Variants in SLC4A10 observed in about 807,000 individuals in gnomAD.
SLC4A10 encodes the protein solute carrier family 4 member 10, also known as sodium-driven chloride bicarbonate exchanger.
In SLC4A10, 42 loss-of-function variants were observed where a neutral mutation model predicts 137.7. That is an observed-to-expected ratio of 0.30 (90% CI 0.24 to 0.39). The LOEUF is 0.39. Among genes scored for constraint, SLC4A10 ranks in the 10% least tolerant of loss-of-function variants. The pLI, the probability that SLC4A10 is intolerant of heterozygous loss-of-function variation, is 1.00. For missense variants in SLC4A10, 925 were observed against 1,355.0 expected, an observed-to-expected ratio of 0.68 and a Z score of 4.98; for synonymous variants, 474 against 464.1, an observed-to-expected ratio of 1.02 and a Z score of -0.27.
chr2:161,771,938 T>C (rs1197755481), intron 2 of SLC4A10, among the ~76,000 whole-genome samples: 2 of 151,430 alleles, frequency 1.3e-5, no homozygotes, highest in South Asian at 4.2e-4. Flanking sequence ...GAGGTAAGGG[T>C]TTTTTCATTT....
intron 1 of SLC4A10, among the ~76,000 whole-genome samples, chr2:161,640,654 TTCC>T (rs751102601): frequency 0.29 from 29,922 of 104,724 alleles, 4,263 homozygotes; most frequent in Non-Finnish European, 0.37. Flanking sequence ...CCTTCCTTCC[TTCC>T]TTCTTTCTTT....
chr2:161,920,129 TG>T (rs1279435617), intron 15 of SLC4A10, among the ~76,000 whole-genome samples: 1 of 152,196 alleles, frequency 6.6e-6, no homozygotes, highest in African/African-American at 2.4e-5. Context: ...TCTGTGCCTT[TG>T]GCAGGCCTGG....
chr2:161,945,878 T>C (rs886191662), intron 16 of SLC4A10, among the ~76,000 whole-genome samples: 19 of 152,050 alleles, frequency 1.2e-4, no homozygotes, highest in Middle Eastern at 3.4e-3. Context: ...TCCCGCCAAA[T>C]GACTTTTATA....
intron 1 of SLC4A10, among the ~76,000 whole-genome samples, chr2:161,764,805 T>C (rs1190859003): frequency 6.6e-6 from 1 of 152,070 alleles, no homozygotes; most frequent in Non-Finnish European, 1.5e-5. Flanking sequence ...GCTAGAAACC[T>C]TTTTTTGCTA....
chr2:161,810,859 GGAT>G (rs1353192453), intron 3 of SLC4A10, among the ~76,000 whole-genome samples: 2 of 151,914 alleles, frequency 1.3e-5, no homozygotes, highest in African/African-American at 4.8e-5. Flanking sequence ...TTTGGTATAA[GGAT>G]GATGATGACT....
chr2:161,809,171 A>G (rs1043148522), intron 3 of SLC4A10, among the ~76,000 whole-genome samples: 5 of 151,726 alleles, frequency 3.3e-5, no homozygotes, highest in Non-Finnish European at 4.4e-5. Flanking sequence ...GACTGCTTGT[A>G]TGTTTTCTTT....
At chr2:161,937,475 G>T (rs1691793222) in intron 15 of SLC4A10, among the ~76,000 whole-genome samples, 1 of 152,028 alleles carries the variant, frequency 6.6e-6, no homozygotes, top group African/African-American at 2.4e-5. Flanking sequence ...CCCACACTAT[G>T]TCTTACCAAA....
At chr2:161,835,262 C>T (rs1158741310) in intron 3 of SLC4A10, among the ~76,000 whole-genome samples, 2 of 152,142 alleles carry the variant, frequency 1.3e-5, no homozygotes, top group Non-Finnish European at 2.9e-5. Context: ...TGGTCTTGAA[C>T]TCCTGACCTT....
intron 1 of SLC4A10, among the ~76,000 whole-genome samples, chr2:161,723,508 T>A (rs183362136): frequency 6.6e-6 from 1 of 152,240 alleles, no homozygotes; most frequent in Non-Finnish European, 1.5e-5. Context: ...AGAAATAATA[T>A]ACGCACAGTT....
At chr2:161,645,292 T>G (rs1330097423) in intron 1 of SLC4A10, among the ~76,000 whole-genome samples, 1 of 152,078 alleles carries the variant, frequency 6.6e-6, no homozygotes, top group East Asian at 1.9e-4. Flanking sequence ...GAAATCTTAT[T>G]AAAAATTCCA....
intron 1 of SLC4A10, among the ~76,000 whole-genome samples, chr2:161,739,903 T>C (rs2047713044): frequency 6.6e-6 from 1 of 152,182 alleles, no homozygotes; most frequent in African/African-American, 2.4e-5. Flanking sequence ...GCTCTTTCAA[T>C]GGACATGTTC....
intron 1 of SLC4A10, among the ~76,000 whole-genome samples, chr2:161,633,554 T>A (rs2033932128): frequency 6.6e-6 from 1 of 151,786 alleles, no homozygotes; most frequent in South Asian, 2.1e-4. Context: ...TAATAATATA[T>A]CTATCTCCCA....
chr2:161,699,105 C>T (rs899116468), intron 1 of SLC4A10, among the ~76,000 whole-genome samples: 7 of 152,262 alleles, frequency 4.6e-5, no homozygotes, highest in African/African-American at 9.6e-5. Context: ...CTGCAAGCTA[C>T]GCGTCCTGGG....
intron 15 of SLC4A10, among the ~76,000 whole-genome samples, chr2:161,941,720 A>G (rs1692740883): frequency 6.6e-6 from 1 of 152,092 alleles, no homozygotes; most frequent in Non-Finnish European, 1.5e-5. Context: ...TCAGCCATGG[A>G]GCAAGTCTTT....
At chr2:161,671,996 G>T (rs2039778223) in intron 1 of SLC4A10, among the ~76,000 whole-genome samples, 1 of 152,142 alleles carries the variant, frequency 6.6e-6, no homozygotes, top group Non-Finnish European at 1.5e-5. Flanking sequence ...CATCAAGAAA[G>T]TGCACTTAAG....
chr2:161,655,817 CTTT>C (rs1222736703), intron 1 of SLC4A10, among the ~76,000 whole-genome samples: 3 of 142,372 alleles, frequency 2.1e-5, no homozygotes, highest in Non-Finnish European at 1.5e-5. Context: ...AAAAATTCTT[CTTT>C]TTTTTTTTTT....
chr2:161,854,508 A>T (rs894984822), intron 4 of SLC4A10, among the ~76,000 whole-genome samples: 1 of 152,156 alleles, frequency 6.6e-6, no homozygotes. Context: ...CAGGCCCCTA[A>T]TTATGCTAGC....
chr2:161,969,965 C>T (rs1349030517), intron 23 of SLC4A10, among the ~76,000 whole-genome samples: 3 of 152,068 alleles, frequency 2.0e-5, no homozygotes, highest in Non-Finnish European at 4.4e-5. Flanking sequence ...AAGTGTGGTT[C>T]CAGAACCACT....
chr2:161,962,420 G>T (rs550720714), intron 21 of SLC4A10, among the ~76,000 whole-genome samples: 6 of 152,176 alleles, frequency 3.9e-5, no homozygotes, highest in Admixed American at 1.3e-4. Flanking sequence ...TAGTTCTATA[G>T]AAAAGGAAAT....
Sources: gnomAD v4.1 joint callset for allele counts (sites outside exome capture counted in the v4.1 genomes callset) on GRCh38, gnomAD v4.1.1 for gene constraint, MANE v1.5 for transcripts, NCBI Gene and HGNC (gene_info 2026-07-23, HGNC 2026-07-21) for gene names.